Variants in ROBO1 observed in about 807,000 individuals in gnomAD.
ROBO1 encodes the protein roundabout homolog 1.
A neutral mutation model predicts 195.9 loss-of-function variants in ROBO1; 149 were observed. The observed-to-expected ratio is 0.76, with a 90% confidence interval of 0.67 to 0.87. ROBO1 has a LOEUF of 0.87. Ranked by LOEUF, ROBO1 falls within the 40% of genes least tolerant of loss-of-function variation. The pLI is 0.00. For missense variants in ROBO1, 1,933 were observed against 2,068.3 expected (o/e 0.93, Z 1.27); for synonymous variants, 816 against 733.2 (o/e 1.11, Z -1.82).
chr3:79,502,053 C>G (rs1254804683), intron 2 of ROBO1, among the ~76,000 whole-genome samples: 1 of 152,204 alleles, frequency 6.6e-6, no homozygotes, highest in Non-Finnish European at 1.5e-5. Flanking sequence ...ATGAGGCTAG[C>G]AAAGCCCACA....
chr3:78,666,244 C>T (rs978158627), intron 14 of ROBO1, among the ~76,000 whole-genome samples: 4 of 152,136 alleles, frequency 2.6e-5, no homozygotes, highest in African/African-American at 7.2e-5. Flanking sequence ...TGCCCAGTCT[C>T]GGGGAAGTTC....
intron 4 of ROBO1, among the ~76,000 whole-genome samples, chr3:78,848,603 C>T (rs563193797): frequency 6.6e-6 from 1 of 152,104 alleles, no homozygotes; most frequent in Non-Finnish European, 1.5e-5. Context: ...GAATGGTCCA[C>T]GCAGAAGGTG....
chr3:78,696,015 T>G (rs1237074153), intron 8 of ROBO1, among the ~76,000 whole-genome samples: 2 of 152,072 alleles, frequency 1.3e-5, no homozygotes, highest in African/African-American at 4.8e-5. Context: ...TTCTCTACAT[T>G]TCTCCAAAGG....
intron 2 of ROBO1, among the ~76,000 whole-genome samples, chr3:79,312,934 A>C (rs1443557664): frequency 1.3e-5 from 2 of 152,198 alleles, no homozygotes; most frequent in Non-Finnish European, 2.9e-5. Context: ...AGATGAAACA[A>C]AAGTCATCAT....
intron 2 of ROBO1, among the ~76,000 whole-genome samples, chr3:79,248,527 T>G (rs2082666807): frequency 6.6e-6 from 1 of 152,134 alleles, no homozygotes. Flanking sequence ...TGTGGCATTT[T>G]GATTTTATTC....
At chr3:79,040,843 CT>C (rs2078474595) in intron 3 of ROBO1, among the ~76,000 whole-genome samples, 2 of 152,166 alleles carry the variant, frequency 1.3e-5, no homozygotes, top group South Asian at 4.2e-4. Context: ...TCTTTTTAAA[CT>C]TCAATATGTC....
intron 2 of ROBO1, among the ~76,000 whole-genome samples, chr3:79,477,207 T>C (rs767102552): frequency 4.6e-5 from 7 of 152,150 alleles, no homozygotes; most frequent in Non-Finnish European, 1.0e-4. Flanking sequence ...AGTGGTAATA[T>C]AGGCATATCA....
chr3:79,712,616 G>C (rs1702319435), intron 1 of ROBO1, among the ~76,000 whole-genome samples: 1 of 152,110 alleles, frequency 6.6e-6, no homozygotes, highest in Non-Finnish European at 1.5e-5. Flanking sequence ...AGAAGATATA[G>C]GTAAGATCAC....
At chr3:79,045,236 A>G (rs1260840239) in intron 3 of ROBO1, among the ~76,000 whole-genome samples, 1 of 152,106 alleles carries the variant, frequency 6.6e-6, no homozygotes, top group Non-Finnish European at 1.5e-5. Flanking sequence ...TAACAATGAA[A>G]CTAATTTTTA....
chr3:78,979,254 C>T (rs896443645), intron 3 of ROBO1, among the ~76,000 whole-genome samples: 1 of 152,130 alleles, frequency 6.6e-6, no homozygotes, highest in African/African-American at 2.4e-5. Flanking sequence ...GTCAAGCCAG[C>T]TCAGCCTACA....
At chr3:78,962,397 G>T (rs2041397042) in intron 3 of ROBO1, among the ~76,000 whole-genome samples, 1 of 152,138 alleles carries the variant, frequency 6.6e-6, no homozygotes, top group South Asian at 2.1e-4. Context: ...AAAAAGCTCA[G>T]CATGGTAAAT....
chr3:79,174,315 C>T (rs1454038552), intron 2 of ROBO1, among the ~76,000 whole-genome samples: 1 of 151,896 alleles, frequency 6.6e-6, no homozygotes, highest in Non-Finnish European at 1.5e-5. Flanking sequence ...GACGTGCCGC[C>T]TTAAGAGCTG....
intron 2 of ROBO1, among the ~76,000 whole-genome samples, chr3:79,190,850 T>G (rs1047944058): frequency 6.6e-6 from 1 of 151,660 alleles, no homozygotes; most frequent in Non-Finnish European, 1.5e-5. Context: ...GAAACTGTGA[T>G]TAATGACTAT....
intron 2 of ROBO1, among the ~76,000 whole-genome samples, chr3:79,380,533 T>C (rs201532511): frequency 4.6e-5 from 7 of 152,252 alleles, no homozygotes; most frequent in East Asian, 1.9e-4. Context: ...CTGATGAAGA[T>C]TATGGTCACT....
intron 2 of ROBO1, among the ~76,000 whole-genome samples, chr3:79,374,757 T>C (rs1387444575): frequency 6.6e-6 from 1 of 152,188 alleles, no homozygotes; most frequent in African/African-American, 2.4e-5. Flanking sequence ...AAGATTGTTT[T>C]ATTTTTGCCA....
intron 1 of ROBO1, among the ~76,000 whole-genome samples, chr3:79,633,484 C>T (rs1322727933): frequency 2.0e-5 from 3 of 151,306 alleles, no homozygotes; most frequent in African/African-American, 7.3e-5. Context: ...CCATGCCCAG[C>T]CTACATATTT....
chr3:78,929,998 A>G lies in ROBO1; in HGVS notation c.499+8603T>C, dbSNP rs78198759. 7.9e-5 allele frequency among the ~76,000 whole-genome samples: 12 copies of G among 152,270 alleles called. No homozygotes were observed. In the East Asian group the frequency reaches 2.3e-3, roughly 29 times the overall value. On this transcript the variant is annotated intron_variant, in intron 4 of 30. Transcript: ENST00000464233. ...TTACTGGAAGTCAGCTAAATTCCCC[A>G]AGTAATGTTATCCCCAAAAGAGATA...
chr3:79,177,276 T>C (rs958196926), intron 2 of ROBO1, among the ~76,000 whole-genome samples: 4 of 152,238 alleles, frequency 2.6e-5, no homozygotes, highest in African/African-American at 9.6e-5. Flanking sequence ...TATGAAATTG[T>C]TGAACTTGGT....
At position 79,139,579 on chromosome 3, in the gene ROBO1, G is replaced by A. The variant is rs1006041433; in HGVS notation, c.89-14040C>T. Among the ~76,000 whole-genome samples the A allele has an allele frequency of 2.2e-4, 33 of 152,036 alleles. 1 individual carries two copies. The highest frequency in any genetic ancestry group is 2.9e-4 in the African/African-American group (12 of 41,410). On this transcript the variant is annotated intron_variant, in intron 2 of 30. Coordinates refer to ENST00000464233, the MANE Select transcript of ROBO1 (RefSeq NM_002941.4). The stretch of plus-strand genomic sequence containing the variant: ...GAATTAAAAACTGAGCCAATTGTCC[G>A]GTTGAGGTCTGCATTTATTCAAAAT...
Sources: gnomAD v4.1 joint callset for allele counts (sites outside exome capture counted in the v4.1 genomes callset) on GRCh38, gnomAD v4.1.1 for gene constraint, MANE v1.5 for transcripts, NCBI Gene and HGNC (gene_info 2026-07-23, HGNC 2026-07-21) for gene names.